Variants in IRF6 observed in about 807,000 individuals in gnomAD.
The protein encoded by IRF6 is interferon regulatory factor 6.
A neutral mutation model predicts 51.4 loss-of-function variants in IRF6; 6 were observed. That is an observed-to-expected ratio of 0.12 (90% CI 0.06 to 0.23). The LOEUF (loss-of-function observed/expected upper bound fraction) is 0.23. Ranked by LOEUF, IRF6 falls within the 10% of genes least tolerant of loss-of-function variation. The probability of loss-of-function intolerance (pLI) is 1.00; values close to 1 mark genes in which losing one functional copy is unlikely to be tolerated. For synonymous variants in IRF6, 178 were observed against 215.7 expected (o/e 0.83, Z 1.53); for missense variants, 348 against 585.2 (o/e 0.59, Z 4.18).
intron 1 of IRF6, among the ~76,000 whole-genome samples, chr1:209,805,119 A>T (rs2077965880): frequency 7.7e-6 from 1 of 129,278 alleles, no homozygotes. Flanking sequence ...CCTAAACCAC[A>T]CTCCTGGGTC....
rs1034483940 is a variant in IRF6 at position 209,786,556 on chromosome 1, C to T, written c.*1864G>A. Reference sequence around the variant, plus strand: ...AGATGGGGCAGCCAAATATCAAGCCCAAATCCCTCACTTCACCTACTCAAC... The same window carrying T: ...AGATGGGGCAGCCAAATATCAAGCCTAAATCCCTCACTTCACCTACTCAAC... On this transcript the variant is annotated 3_prime_UTR_variant, in exon 9 of 9. Transcript: ENST00000367021. 1 of 152,138 alleles carries T rather than the reference C, an allele frequency of 6.6e-6. No individual in the cohort carries two copies. Among genetic ancestry groups the T allele is most frequent in the African/African-American group, 2.4e-5 (1 of 41,416 alleles). The allele number at this position is 152,138 out of a possible 1,614,324, so 9.4% of individuals were successfully genotyped here.
At chr1:209,799,515 C>T (rs918435535) in intron 3 of IRF6, among the ~76,000 whole-genome samples, 3 of 152,214 alleles carry the variant, frequency 2.0e-5, no homozygotes, top group African/African-American at 7.2e-5. Flanking sequence ...GCCATCAGAG[C>T]TTGGTATCTG....
At chr1:209,804,167 G>A (rs900640404) in intron 1 of IRF6, among the ~76,000 whole-genome samples, 2 of 152,100 alleles carry the variant, frequency 1.3e-5, no homozygotes, top group African/African-American at 4.8e-5. Context: ...TTCTTATGAA[G>A]GATGGTAACA....
chr1:209,804,561 C>G (rs958677470), intron 1 of IRF6, among the ~76,000 whole-genome samples: 1 of 152,208 alleles, frequency 6.6e-6, no homozygotes, highest in Non-Finnish European at 1.5e-5. Flanking sequence ...CCTAGTTGAA[C>G]TCATCTTGGT....
At chr1:209,802,713 T>C (rs1373744681) in intron 1 of IRF6, among the ~76,000 whole-genome samples, 1 of 152,182 alleles carries the variant, frequency 6.6e-6, no homozygotes, top group African/African-American at 2.4e-5. Context: ...GTCACCTTCA[T>C]ACCCAGAAAG....
chr1:209,797,008 G>A (rs141476354), intron 3 of IRF6, among the ~76,000 whole-genome samples: 89 of 152,272 alleles, frequency 5.8e-4, no homozygotes, highest in African/African-American at 2.0e-3. Context: ...AAGACAAAGA[G>A]GGATGGCAGA....
chr1:209,789,845 T>A, intron 7 of IRF6, 60 bp from the exon 8 acceptor site: 4 of 1,093,464 alleles, frequency 3.7e-6, no homozygotes, highest in Non-Finnish European at 5.6e-6. Context: ...ACTCAACAAA[T>A]ACCATCTTTT....
chr1:209,801,154 G>C, intron 3 of IRF6, 86 bp downstream of exon 3: 4 of 1,170,362 alleles, frequency 3.4e-6, no homozygotes, highest in Non-Finnish European at 4.9e-6. Flanking sequence ...TGTTTCACCA[G>C]AGTTTTAGAT....
rs2077844210 is a variant in IRF6 at position 209,787,911 on chromosome 1, C to A, written c.*509G>T. 5.8e-6 allele frequency: 1 copy of A among 171,102 alleles called. No individual in the cohort carries two copies. Among genetic ancestry groups the A allele is most frequent in the Non-Finnish European group, 1.3e-5 (1 of 78,936 alleles). 10.6% of individuals were successfully genotyped at this position (171,102 alleles called of 1,614,324 possible). ...AGGTCAAACAGAGCTCGATCCTGGA[C>A]AAATCAGTGCTTGAGGAAACTTTAA... is the stretch of plus-strand genomic sequence containing the variant. On this transcript the variant is annotated 3_prime_UTR_variant, in exon 9 of 9. Coordinates refer to ENST00000367021, the MANE Select transcript of IRF6 (RefSeq NM_006147.4).
chr1:209,799,747 T>C (rs1343773683), intron 3 of IRF6, among the ~76,000 whole-genome samples: 1 of 152,252 alleles, frequency 6.6e-6, no homozygotes, highest in African/African-American at 2.4e-5. Flanking sequence ...AGAGGCCAAA[T>C]GGGCCAAGAT....
rs1413971160 is a variant in IRF6, at chr1:209,790,568, T to C, written c.987A>G (p.Pro329=). The stretch of plus-strand genomic sequence containing the variant: ...CAATCAGGTTGGGAGCAACAAGTGA[T>C]GGGGCACATGGCCCAGACCAGTACA... The part of the protein sequence containing the change: ...CKVYWSGPCA[P]SLVAPNLIER... Residue 329 remains proline (P), a synonymous_variant, in exon 7 of 9, where the codon CCA becomes CCG. Transcript: ENST00000367021. This position sits in a 1 kb window ranked among gnomAD's most constrained non-coding sequence, Gnocchi z 4.8. 5 of 1,614,268 alleles carry C rather than the reference T, an allele frequency of 3.1e-6. No homozygotes were observed. In the South Asian group the frequency reaches 5.5e-5, roughly 18 times the overall value.
At chr1:209,803,170 C>T (rs1229017572) in intron 1 of IRF6, among the ~76,000 whole-genome samples, 1 of 152,158 alleles carries the variant, frequency 6.6e-6, no homozygotes, top group South Asian at 2.1e-4. Flanking sequence ...GGAGGGGATG[C>T]ATATTCTCTC....
At position 209,790,048 on chromosome 1, in the gene IRF6, C is replaced by T. The variant is rs1571979184; in HGVS notation, c.1061-263G>A. Among the ~76,000 whole-genome samples the T allele has an allele frequency of 6.6e-6, 1 of 152,216 alleles. No homozygotes were observed. The highest frequency in any genetic ancestry group is 2.4e-5 in the African/African-American group (1 of 41,446). ...TTCTCTTGGACATCATTGATCATGA[C>T]TTGCAGTTCAAACCACATTGTAAAA... On this transcript the variant is annotated intron_variant, in intron 7 of 8. Coordinates refer to ENST00000367021, the MANE Select transcript of IRF6 (RefSeq NM_006147.4). This position sits in a 1 kb window ranked among gnomAD's most constrained non-coding sequence, Gnocchi z 4.8.
At position 209,796,030 on chromosome 1, in the gene IRF6, C is replaced by A. The variant is rs2077899168; in HGVS notation, c.379+318G>T. Among the ~76,000 whole-genome samples, 2 of 152,160 alleles carry A rather than the reference C, an allele frequency of 1.3e-5. No homozygotes were observed. The highest frequency in any genetic ancestry group is 2.1e-4 in the South Asian group (1 of 4,828). On this transcript the variant is annotated intron_variant, in intron 4 of 8. Transcript: ENST00000367021. The surrounding 1 kb of genome is among the most constrained non-coding windows in gnomAD (Gnocchi z 4.5). ...ATAAGGGCCAGGTTTAGAACGCAAA[C>A]CTTTTAAGCTTTAATCCCTTCTCCT...
chr1:209,800,761 C>A (rs1297369921), intron 3 of IRF6, among the ~76,000 whole-genome samples: 1 of 151,778 alleles, frequency 6.6e-6, no homozygotes, highest in African/African-American at 2.4e-5. Context: ...CCATATCCCA[C>A]AAAAAAAGAA....
At chr1:209,803,643 CT>C (rs1294908461) in intron 1 of IRF6, among the ~76,000 whole-genome samples, 2 of 152,222 alleles carry the variant, frequency 1.3e-5, no homozygotes, top group African/African-American at 2.4e-5. Context: ...GCCTCTCTCA[CT>C]GTAAACCCTC....
Position 209,795,312 on chromosome 1 carries a change from G to T in IRF6, c.486C>A (p.Thr162=). The change falls in exon 5 of 9, where the codon ACC becomes ACA. Residue 162 remains threonine, a synonymous_variant. Coordinates refer to ENST00000367021, the MANE Select transcript of IRF6 (RefSeq NM_006147.4). ...CACCATTGATGTTCAGGAAGGGGAA[G>T]GTGTCCTGGATGGGAACATGGTGCT... ...QSQHHVPIQD[T]FPFLNINGSP... 1 of 1,614,230 alleles carries T rather than the reference G, an allele frequency of 6.2e-7. No individual in the cohort carries two copies. The highest frequency in any genetic ancestry group is 8.5e-7 in the Non-Finnish European group (1 of 1,180,032).
chr1:209,798,407 C>T (rs2077917774), intron 3 of IRF6, among the ~76,000 whole-genome samples: 1 of 152,208 alleles, frequency 6.6e-6, no homozygotes, highest in East Asian at 1.9e-4. Context: ...ACCCAGCTGA[C>T]TCGGGCTATG....
At chr1:209,798,603 A>G (rs1240750466) in intron 3 of IRF6, among the ~76,000 whole-genome samples, 1 of 152,132 alleles carries the variant, frequency 6.6e-6, no homozygotes, top group Non-Finnish European at 1.5e-5. Context: ...ATCGTTTAAG[A>G]CTGGAACTTT....
Sources: allele counts gnomAD v4.1 joint callset (sites outside exome capture counted in the v4.1 genomes callset), GRCh38; gene constraint gnomAD v4.1.1; non-coding constraint Gnocchi (gnomAD v3.1); transcripts MANE v1.5; gene names NCBI Gene and HGNC (gene_info 2026-07-23, HGNC 2026-07-21).